Variants in PCDHA10 observed in about 807,000 individuals in gnomAD.
The protein encoded by PCDHA10 is protocadherin alpha 10, also known as protocadherin alpha-10.
PCDHA10 carries 45 observed loss-of-function variants against 61.2 expected under a neutral mutation model. The observed-to-expected ratio is 0.74, with a 90% CI of 0.58 to 0.94. The LOEUF (loss-of-function observed/expected upper bound fraction) is 0.94. Ranked by LOEUF, PCDHA10 falls within the 40% of genes least tolerant of loss-of-function variation. The pLI, the probability that PCDHA10 is intolerant of heterozygous loss-of-function variation, is 0.00. For synonymous variants in PCDHA10, 602 were observed against 548.8 expected, an observed-to-expected ratio of 1.10 and a Z score of -1.35; for missense variants, 1,278 against 1,236.2, an observed-to-expected ratio of 1.03 and a Z score of -0.51.
At chr5:140,936,347 G>A (rs2090928614) in intron 1 of PCDHA10, among the ~76,000 whole-genome samples, 1 of 152,066 alleles carries the variant, frequency 6.6e-6, no homozygotes, top group South Asian at 2.1e-4. Flanking sequence ...CTGCATATAT[G>A]GAATGTGTAG....
intron 3 of PCDHA10, among the ~76,000 whole-genome samples, chr5:140,993,767 G>T (rs115607244): frequency 1.3e-5 from 2 of 152,010 alleles, no homozygotes; most frequent in African/African-American, 4.8e-5. Flanking sequence ...TTACAATTGC[G>T]CAGTATTTTG....
At chr5:140,893,050 A>G (rs967159859) in intron 1 of PCDHA10, among the ~76,000 whole-genome samples, 1 of 152,248 alleles carries the variant, frequency 6.6e-6, no homozygotes, top group Non-Finnish European at 1.5e-5. Context: ...CTCCAGGCTC[A>G]GCCATACTGC....
intron 1 of PCDHA10, among the ~76,000 whole-genome samples, chr5:140,908,266 C>T (rs1281456045): frequency 1.3e-5 from 2 of 152,144 alleles, no homozygotes; most frequent in African/African-American, 4.8e-5. Context: ...AGGGAACTCC[C>T]CATGAGGCCA....
intron 1 of PCDHA10, among the ~76,000 whole-genome samples, chr5:140,898,705 A>C (rs1351081569): frequency 1.3e-5 from 2 of 152,142 alleles, no homozygotes; most frequent in Admixed American, 1.3e-4. Flanking sequence ...ACTTTAAAGT[A>C]GTTTTTTCCA....
intron 1 of PCDHA10, chr5:140,928,827 A>G (rs1554206364): frequency 6.2e-7 from 1 of 1,614,130 alleles, no homozygotes. Flanking sequence ...GAGACCCACC[A>G]CTTTCCTCCT....
intron 1 of PCDHA10, chr5:140,861,445 G>T (rs1196401790): frequency 2.0e-6 from 1 of 494,332 alleles, no homozygotes; most frequent in Non-Finnish European, 4.2e-6. Flanking sequence ...AAAAGCCGCA[G>T]AAACCTTCTG....
chr5:140,863,356 C>T (rs1554158132), intron 1 of PCDHA10: 1 of 1,255,152 alleles, frequency 8.0e-7, no homozygotes, highest in Non-Finnish European at 1.1e-6. Flanking sequence ...CACGACGCTG[C>T]GGTGCTTGGC....
intron 1 of PCDHA10, among the ~76,000 whole-genome samples, chr5:140,880,631 A>T (rs1048791670): frequency 6.6e-6 from 1 of 152,206 alleles, no homozygotes; most frequent in Non-Finnish European, 1.5e-5. Context: ...GTTAATTATC[A>T]ATTCACTTGA....
intron 1 of PCDHA10, among the ~76,000 whole-genome samples, chr5:140,974,059 G>A (rs1233997260): frequency 6.6e-6 from 1 of 152,180 alleles, no homozygotes; most frequent in Non-Finnish European, 1.5e-5. Context: ...AATATTTGGA[G>A]CAGTATAATC....
intron 1 of PCDHA10, among the ~76,000 whole-genome samples, chr5:140,974,053 T>C (rs529581642): frequency 6.6e-6 from 1 of 152,346 alleles, no homozygotes; most frequent in African/African-American, 2.4e-5. Flanking sequence ...TATGATAATA[T>C]TTGGAGCAGT....
rs781959040 is a variant in PCDHA10 at position 140,968,057 on chromosome 5, C to A, written c.2389-10892C>A. 2.5e-6 allele frequency: 4 copies of A among 1,613,992 alleles called. 1 individual carries two copies. Among genetic ancestry groups the A allele is most frequent in the South Asian group, 2.2e-5 (2 of 91,082 alleles). ...GGTGAGCGGCCCACTGGACCGAGAGCGGGTGGCTGTCTACAACATCACGGT... is the reference window on the plus strand; with the variant it reads ...GGTGAGCGGCCCACTGGACCGAGAGAGGGTGGCTGTCTACAACATCACGGT... On this transcript the variant is annotated intron_variant, in intron 1 of 3. Transcript: ENST00000307360.
chr5:140,871,598 G>A (rs2053214620), intron 1 of PCDHA10: 1 of 1,452,006 alleles, frequency 6.9e-7, no homozygotes, highest in African/African-American at 1.4e-5. Flanking sequence ...TGAATAACCA[G>A]TGTTTTGAAT....
At chr5:140,969,948 G>A (rs1206322511) in intron 1 of PCDHA10, among the ~76,000 whole-genome samples, 3 of 152,198 alleles carry the variant, frequency 2.0e-5, no homozygotes, top group African/African-American at 7.2e-5. Context: ...TGAAGCTAAA[G>A]TTTGCTTTGG....
intron 3 of PCDHA10, chr5:140,988,797 AT>A (rs1481469131): frequency 2.0e-5 from 3 of 152,116 alleles, no homozygotes; most frequent in African/African-American, 7.2e-5. Context: ...TAATAGAAGA[AT>A]TTCTTCCGTA....
chr5:140,863,854 A>T (rs984993232), intron 1 of PCDHA10: 2 of 177,552 alleles, frequency 1.1e-5, no homozygotes, highest in Admixed American at 1.1e-4. Context: ...TAAAAAAATT[A>T]GCTGGGTGTG....
chr5:140,870,168 C>A, intron 1 of PCDHA10: 1 of 1,614,108 alleles, frequency 6.2e-7, no homozygotes, highest in Admixed American at 1.7e-5. Context: ...CTTCCTTGTC[C>A]CTCCCAGTAC....
chr5:140,856,950 T>C lies in PCDHA10; in HGVS notation c.902T>C (p.Ile301Thr). The C allele has an allele frequency of 6.3e-7, 1 of 1,593,338 alleles. No individual in the cohort carries two copies. The highest frequency in any genetic ancestry group is 8.6e-7 in the Non-Finnish European group (1 of 1,163,346). Residue 301 changes from isoleucine to threonine, a missense_variant, in exon 1 of 4, where the codon ATA (isoleucine) becomes ACA (threonine). Transcript: ENST00000307360. ...TGGATAAACGAAAGGACGGGAGAAA[T>C]AAAAGTAAATGATGCTATTGACTTT... ...KFWINERTGE[I>T]KVNDAIDFED...
chr5:140,961,770 A>C, intron 1 of PCDHA10, among the ~76,000 whole-genome samples: 1 of 152,206 alleles, frequency 6.6e-6, no homozygotes, highest in East Asian at 1.9e-4. Flanking sequence ...ATTTATATCA[A>C]GCTTAATGGC....
At chr5:141,005,313 T>C (rs1157761147) in intron 3 of PCDHA10, among the ~76,000 whole-genome samples, 1 of 151,958 alleles carries the variant, frequency 6.6e-6, no homozygotes, top group Non-Finnish European at 1.5e-5. Flanking sequence ...AATCTTACAG[T>C]GGTAGAGAAT....
Sources: allele counts gnomAD v4.1 joint callset (sites outside exome capture counted in the v4.1 genomes callset), GRCh38; gene constraint gnomAD v4.1.1; transcripts MANE v1.5; gene names NCBI Gene and HGNC (gene_info 2026-07-23, HGNC 2026-07-21).